Variants in EPS15 observed in about 807,000 individuals in gnomAD.
EPS15 encodes the protein epidermal growth factor receptor substrate 15.
In EPS15, 72 loss-of-function variants were observed where a neutral mutation model predicts 113.8. That is an observed-to-expected ratio of 0.63 (90% confidence interval 0.52 to 0.77). EPS15 has a LOEUF of 0.77. EPS15 is among the 30% of genes least tolerant of loss of function. The pLI, the probability that EPS15 is intolerant of heterozygous loss-of-function variation, is 0.00. For synonymous variants in EPS15, 344 were observed against 363.4 expected (o/e 0.95, Z 0.61); for missense variants, 1,048 against 1,045.8 (o/e 1.00, Z -0.03).
chr1:51,416,149 T>C (rs1489965439), intron 13 of EPS15, among the ~76,000 whole-genome samples: 2 of 152,128 alleles, frequency 1.3e-5, no homozygotes, highest in African/African-American at 2.4e-5. Flanking sequence ...AAGGTTCTCC[T>C]AACAAACAGT....
Position 51,494,336 on chromosome 1 carries a change from G to A in EPS15, c.34-13022C>T, listed in dbSNP as rs72892029. Among the ~76,000 whole-genome samples, 770 of 152,116 alleles carry A rather than the reference G, an allele frequency of 5.1e-3. 3 individuals carry two copies. The highest frequency in any genetic ancestry group is 0.018 in the African/African-American group (736 of 41,484). On this transcript the variant is annotated intron_variant, in intron 1 of 24. Transcript: ENST00000371733. ...GACCTCTATAAAACCTCTTATCCAT[G>A]GGCCCAATAGACTTTGATCCCTCAG...
At chr1:51,435,198 C>T (rs7532090) in intron 12 of EPS15, among the ~76,000 whole-genome samples, 1 of 150,250 alleles carries the variant, frequency 6.7e-6, no homozygotes, top group Non-Finnish European at 1.5e-5. Flanking sequence ...TTTCTTTTTT[C>T]TTTTTTTGAG....
intron 1 of EPS15, among the ~76,000 whole-genome samples, chr1:51,503,006 C>CAAAA (rs56340331): frequency 1.5e-5 from 1 of 67,432 alleles, no homozygotes. Context: ...GACTCTGTCT[C>CAAAA]AAAAAAAAAA....
intron 12 of EPS15, among the ~76,000 whole-genome samples, chr1:51,435,476 G>A (rs1285988539): frequency 1.3e-5 from 2 of 152,210 alleles, no homozygotes; most frequent in East Asian, 3.8e-4. Flanking sequence ...TTACAGGTGT[G>A]AGCCACTGTG....
At chr1:51,507,345 A>C (rs780852831) in intron 1 of EPS15, among the ~76,000 whole-genome samples, 1 of 152,180 alleles carries the variant, frequency 6.6e-6, no homozygotes, top group Admixed American at 6.6e-5. Flanking sequence ...GATGCTAAGC[A>C]GACCACATAG....
chr1:51,448,323 C>T (rs1377246259), intron 8 of EPS15, among the ~76,000 whole-genome samples, 188 bp from the exon 9 acceptor site: 1 of 148,930 alleles, frequency 6.7e-6, no homozygotes, highest in Non-Finnish European at 1.5e-5. Context: ...GAAATAAAAA[C>T]TAAGAAATTT....
intron 13 of EPS15, among the ~76,000 whole-genome samples, chr1:51,411,057 A>C (rs1649672454): frequency 6.6e-6 from 1 of 152,218 alleles, no homozygotes; most frequent in African/African-American, 2.4e-5. Flanking sequence ...CCACAGCCTG[A>C]GCTCTTAACC....
At position 51,408,197 on chromosome 1, in the gene EPS15, C is replaced by G; in HGVS notation, c.1411G>C (p.Gly471Arg). ...TAELEESVES[G>R]KAQLEPLQQH... ...TGAAGAGGTTCCAACTGAGCCTTCC[C>G]TGACTCTACACTCTCCTCCAATTCT... Residue 471 changes from glycine (G) to arginine (R), a missense_variant, in exon 15 of 25, where the codon GGG becomes CGG. Coordinates refer to ENST00000371733, the MANE Select transcript of EPS15 (RefSeq NM_001981.3). The G allele has an allele frequency of 6.2e-7, 1 of 1,614,184 alleles. No homozygotes were observed. Among genetic ancestry groups the G allele is most frequent in the Non-Finnish European group, 8.5e-7 (1 of 1,180,010 alleles).
At chr1:51,429,135 C>T (rs1651482809) in intron 12 of EPS15, among the ~76,000 whole-genome samples, 1 of 152,112 alleles carries the variant, frequency 6.6e-6, no homozygotes, top group Admixed American at 6.5e-5. Context: ...CTTCCATATT[C>T]CTGGGATTAC....
chr1:51,356,797 C>G lies in EPS15; in HGVS notation c.2594G>C (p.Arg865Thr). The stretch of plus-strand genomic sequence containing the variant: ...TCGGGCAAGCCTCTGCTCTTCCTCT[C>G]TCTCACTTTCCCTCTTGGCCCATTC... ...MIEWAKRESEREEEQRLARLN... is the reference protein window; with the variant it reads ...MIEWAKRESETEEEQRLARLN... Residue 865 changes from arginine to threonine, a missense_variant, in exon 25 of 25, where the codon AGA (arginine) becomes ACA (threonine). Arg to Thr is a moderately conservative substitution (Grantham distance 71, BLOSUM62 -1). Transcript: ENST00000371733. 1 of 1,613,816 alleles carries G rather than the reference C, an allele frequency of 6.2e-7. No homozygotes were observed. The highest frequency in any genetic ancestry group is 8.5e-7 in the Non-Finnish European group (1 of 1,179,744).
At chr1:51,435,350 C>T (rs6588409) in intron 12 of EPS15, among the ~76,000 whole-genome samples, 3,374 of 152,050 alleles carry the variant, frequency 0.022, 32 homozygotes, top group Middle Eastern at 0.034. Flanking sequence ...TGCGCCACCA[C>T]GCCTGGCTAA....
chr1:51,414,158 T>G (rs1185648032), intron 13 of EPS15, among the ~76,000 whole-genome samples: 3 of 152,138 alleles, frequency 2.0e-5, no homozygotes, highest in Admixed American at 2.0e-4. Context: ...ATGCCTGTAA[T>G]CCCAGCACTT....
intron 12 of EPS15, among the ~76,000 whole-genome samples, chr1:51,433,197 A>C (rs1262098543): frequency 1.3e-5 from 2 of 152,260 alleles, no homozygotes; most frequent in Non-Finnish European, 2.9e-5. Flanking sequence ...TTCACTCTTC[A>C]ACTAGAGAAA....
intron 10 of EPS15, 104 bp from the exon 11 acceptor site, chr1:51,445,149 A>G: frequency 9.8e-7 from 1 of 1,016,504 alleles, no homozygotes; most frequent in Non-Finnish European, 1.4e-6. Context: ...AGGTGAATTT[A>G]AAAAGACAGT....
Position 51,363,129 on chromosome 1 carries a change from C to T in EPS15, c.2359+737G>A, listed in dbSNP as rs546454174. On this transcript the variant is annotated intron_variant, in intron 23 of 24. Coordinates refer to ENST00000371733, the MANE Select transcript of EPS15 (RefSeq NM_001981.3). ...CGTGGCCAACATGGTGAAACCCCAT[C>T]TCTGCTAAAAATACAAAAATTAGCC... Among the ~76,000 whole-genome samples the T allele has an allele frequency of 1.8e-4, 27 of 152,068 alleles. 1 individual carries two copies. Among genetic ancestry groups the T allele is most frequent in the Non-Finnish European group, 1.6e-4 (11 of 67,978 alleles).
intron 24 of EPS15, 113 bp downstream of exon 24, chr1:51,361,058 T>G: frequency 1.3e-6 from 1 of 786,268 alleles, no homozygotes; most frequent in Non-Finnish European, 2.1e-6. Context: ...GAAAGATCAT[T>G]TTTAGTATCT....
At chr1:51,364,726 T>G (rs1646469610) in intron 22 of EPS15, among the ~76,000 whole-genome samples, 1 of 152,118 alleles carries the variant, frequency 6.6e-6, no homozygotes, top group Non-Finnish European at 1.5e-5. Flanking sequence ...CTCGAACTCC[T>G]GGGCTCAAGC....
rs772933422 is a variant in EPS15, at chr1:51,468,585, T to C, written c.214-17A>G. 1.7e-5 allele frequency: 27 copies of C among 1,567,316 alleles called. No homozygotes were observed. Among genetic ancestry groups the C allele is most frequent in the Non-Finnish European group, 2.3e-5 (26 of 1,138,900 alleles). The stretch of plus-strand genomic sequence containing the variant: ...AAAGAATTCCTAAGAAAGAAAAGTA[T>C]GAATGTTAAGAGCATTCTCCCTCTA... On this transcript the variant is annotated splice_polypyrimidine_tract_variant and intron_variant, in intron 4 of 24. Coordinates refer to ENST00000371733, the MANE Select transcript of EPS15 (RefSeq NM_001981.3).
At chr1:51,359,712 C>T (rs1225217987) in intron 24 of EPS15, among the ~76,000 whole-genome samples, 2 of 150,664 alleles carry the variant, frequency 1.3e-5, no homozygotes, top group African/African-American at 2.4e-5. Flanking sequence ...GAGCCAAGAT[C>T]GCGCCTCCAG....
Sources: allele counts gnomAD v4.1 joint callset (sites outside exome capture counted in the v4.1 genomes callset), GRCh38; gene constraint gnomAD v4.1.1; transcripts MANE v1.5; gene names NCBI Gene and HGNC (gene_info 2026-07-23, HGNC 2026-07-21).